SORCS1: variants seen among roughly 807,000 people sequenced by gnomAD.
SORCS1 encodes the protein sortilin related VPS10 domain containing receptor 1, also known as VPS10 domain-containing receptor SorCS1.
In SORCS1, 60 loss-of-function variants were observed where a neutral mutation model predicts 146.1. The observed-to-expected ratio is 0.41, with a 90% CI of 0.33 to 0.51. SORCS1 has a LOEUF of 0.51. SORCS1 is among the 20% of genes least tolerant of loss of function. SORCS1 has a pLI of 0.21. For synonymous variants in SORCS1, 637 were observed against 584.0 expected, an observed-to-expected ratio of 1.09 and a Z score of -1.31; for missense variants, 1,352 against 1,487.6, an observed-to-expected ratio of 0.91 and a Z score of 1.50.
In SORCS1 at chr10:106,693,761, A is replaced by C. The variant is rs80351235; in HGVS notation, c.1414-5423T>G. Among the ~76,000 whole-genome samples the C allele has an allele frequency of 6.3e-3, 957 of 152,308 alleles. 13 individuals carry two copies. The highest frequency in any genetic ancestry group is 0.022 in the African/African-American group (905 of 41,550). Reference sequence around the variant, plus strand: ...TCTTATGGGAATCAGTCTTCCCATAAATATCTCTAGTACTTCTTATGCTCT... The same window carrying C: ...TCTTATGGGAATCAGTCTTCCCATACATATCTCTAGTACTTCTTATGCTCT... On this transcript the variant is annotated intron_variant, in intron 9 of 25. Coordinates refer to ENST00000263054, the MANE Select transcript of SORCS1 (RefSeq NM_052918.5).
intron 2 of SORCS1, among the ~76,000 whole-genome samples, chr10:106,926,226 G>T (rs900102356): frequency 6.6e-6 from 1 of 152,142 alleles, no homozygotes; most frequent in Non-Finnish European, 1.5e-5. Flanking sequence ...TAAGCAGGGG[G>T]TTAATGTTTT....
In SORCS1 at chr10:107,146,716, A is replaced by G. The variant is rs576905306; in HGVS notation, c.558+17253T>C. 2.6e-5 allele frequency among the ~76,000 whole-genome samples: 4 copies of G among 152,282 alleles called. No individual in the cohort carries two copies. The East Asian group carries it at 7.7e-4, about 29-fold the overall frequency. ...TTCAGACCCCAACTGCATGGGGTCT[A>G]AACTGTCTGGTGTTTTTAGACCCCA... On this transcript the variant is annotated intron_variant, in intron 1 of 25. Transcript: ENST00000263054.
intron 24 of SORCS1, among the ~76,000 whole-genome samples, chr10:106,590,767 G>A (rs565882908): frequency 2.0e-5 from 3 of 152,300 alleles, no homozygotes; most frequent in African/African-American, 7.2e-5. Context: ...TGAATCTTGT[G>A]CCTCAGCCTC....
chr10:106,662,901 G>A lies in SORCS1; in HGVS notation c.2303+4788C>T, dbSNP rs527416326. 3.3e-5 allele frequency among the ~76,000 whole-genome samples: 5 copies of A among 152,302 alleles called. No individual in the cohort carries two copies. In the South Asian group the frequency reaches 1.0e-3, roughly 32 times the overall value. On this transcript the variant is annotated intron_variant, in intron 17 of 25. Coordinates refer to ENST00000263054, the MANE Select transcript of SORCS1 (RefSeq NM_052918.5). ...TTTTTGGGACTCACAGGCAGCCCAT[G>A]AGCAGGAAGCCAGTGTTTTAACCCT...
chr10:106,892,054 AT>A (rs1214054072), intron 2 of SORCS1, among the ~76,000 whole-genome samples: 2 of 152,204 alleles, frequency 1.3e-5, no homozygotes, highest in African/African-American at 4.8e-5. Flanking sequence ...GACCCTAAAT[AT>A]GCTTCACACA....
At chr10:106,744,627 T>C (rs1284658021) in intron 5 of SORCS1, among the ~76,000 whole-genome samples, 6 of 152,222 alleles carry the variant, frequency 3.9e-5, no homozygotes, top group African/African-American at 4.8e-5. Flanking sequence ...TATTTTTTAA[T>C]TGGTGAATTT....
chr10:106,950,040 A>C (rs1954591159), intron 2 of SORCS1, among the ~76,000 whole-genome samples: 1 of 152,228 alleles, frequency 6.6e-6, no homozygotes, highest in Admixed American at 6.5e-5. Flanking sequence ...ATCTTGTACC[A>C]ATATGATAAA....
At chr10:106,605,807 T>C (rs1204572959) in intron 23 of SORCS1, among the ~76,000 whole-genome samples, 2 of 152,156 alleles carry the variant, frequency 1.3e-5, no homozygotes, top group Non-Finnish European at 2.9e-5. Flanking sequence ...GAGAAAATTA[T>C]ACAGGGGAGC....
intron 1 of SORCS1, among the ~76,000 whole-genome samples, chr10:107,139,377 T>C (rs1000430361): frequency 1.3e-5 from 2 of 152,184 alleles, no homozygotes. Context: ...GCAATTTCTA[T>C]TACTATTTAT....
At position 107,071,600 on chromosome 10, in the gene SORCS1, C is replaced by T. The variant is rs1962432518; in HGVS notation, c.558+92369G>A. Among the ~76,000 whole-genome samples the T allele has an allele frequency of 2.6e-5, 4 of 152,312 alleles. No individual in the cohort carries two copies. In the South Asian group the frequency reaches 6.2e-4, roughly 24 times the overall value. ...TGAATTGTCACTGGGCGCACCACATCCCTGGAAAATCATCCCTCTAGATTA... is the reference window on the plus strand; with the variant it reads ...TGAATTGTCACTGGGCGCACCACATTCCTGGAAAATCATCCCTCTAGATTA... On this transcript the variant is annotated intron_variant, in intron 1 of 25. Coordinates refer to ENST00000263054, the MANE Select transcript of SORCS1 (RefSeq NM_052918.5).
intron 10 of SORCS1, among the ~76,000 whole-genome samples, chr10:106,687,490 CAA>C (rs1852946454): frequency 6.6e-6 from 1 of 152,092 alleles, no homozygotes; most frequent in Non-Finnish European, 1.5e-5. Context: ...GTTCACCAAA[CAA>C]AGTCTCTCTC....
intron 18 of SORCS1, among the ~76,000 whole-genome samples, chr10:106,634,254 T>C (rs774263640): frequency 5.3e-5 from 8 of 152,226 alleles, no homozygotes; most frequent in Non-Finnish European, 1.2e-4. Flanking sequence ...AGGAAGTGTC[T>C]TGTTAATGTA....
chr10:106,586,642 G>C (rs542516386), intron 24 of SORCS1, among the ~76,000 whole-genome samples: 2 of 152,232 alleles, frequency 1.3e-5, no homozygotes, highest in Non-Finnish European at 1.5e-5. Context: ...CAGAAAAAAA[G>C]AAATGGTGAA....
intron 1 of SORCS1, among the ~76,000 whole-genome samples, chr10:107,021,654 T>TA (rs1396100330): frequency 6.6e-6 from 1 of 152,120 alleles, no homozygotes; most frequent in Admixed American, 6.6e-5. Context: ...GCAAGTATGT[T>TA]AGAGTCAGGT....
intron 1 of SORCS1, among the ~76,000 whole-genome samples, chr10:107,048,110 C>A (rs1959689604): frequency 6.6e-6 from 1 of 151,942 alleles, no homozygotes. Context: ...ACTTTACTCT[C>A]TGGCTACCTG....
At chr10:107,087,014 C>T (rs757286754) in intron 1 of SORCS1, among the ~76,000 whole-genome samples, 1 of 152,178 alleles carries the variant, frequency 6.6e-6, no homozygotes, top group Non-Finnish European at 1.5e-5. Flanking sequence ...GGCAACAGAG[C>T]GTGACTTCGT....
intron 2 of SORCS1, among the ~76,000 whole-genome samples, chr10:106,886,161 C>T (rs1302892894): frequency 1.3e-5 from 2 of 152,088 alleles, no homozygotes; most frequent in Non-Finnish European, 2.9e-5. Flanking sequence ...ACTCAGGAGG[C>T]TGAGGCAGGA....
intron 5 of SORCS1, among the ~76,000 whole-genome samples, chr10:106,752,182 G>T (rs187066284): frequency 6.6e-6 from 1 of 152,110 alleles, no homozygotes; most frequent in Non-Finnish European, 1.5e-5. Context: ...CACATATATA[G>T]AGCTGCAATC....
chr10:107,126,511 C>T (rs906109896), intron 1 of SORCS1, among the ~76,000 whole-genome samples: 1 of 152,098 alleles, frequency 6.6e-6, no homozygotes, highest in African/African-American at 2.4e-5. Context: ...TCCTGTTGAC[C>T]TTTAAAAGAG....
Sources: allele counts gnomAD v4.1 joint callset (sites outside exome capture counted in the v4.1 genomes callset), GRCh38; gene constraint gnomAD v4.1.1; transcripts MANE v1.5; gene names NCBI Gene and HGNC (gene_info 2026-07-23, HGNC 2026-07-21).